Variants in GALNT13 observed in about 807,000 individuals in gnomAD.
The protein encoded by GALNT13 is polypeptide N-acetylgalactosaminyltransferase 13.
A neutral mutation model predicts 64.2 loss-of-function variants in GALNT13; 28 were observed. The ratio of observed to expected loss-of-function variants is 0.44; its 90% CI spans 0.32 to 0.60. The LOEUF (loss-of-function observed/expected upper bound fraction) is 0.60, where lower values mean the gene tolerates loss of function less well. GALNT13 is among the 20% of genes least tolerant of loss of function. The pLI is 0.05. For synonymous variants in GALNT13, 214 were observed against 224.6 expected (o/e 0.95, Z 0.42); for missense variants, 577 against 669.8 (o/e 0.86, Z 1.53).
the GALNT13 span, among the ~76,000 whole-genome samples, chr2:153,402,440 C>A: frequency 6.6e-5 from 10 of 151,294 alleles, no homozygotes; most frequent in South Asian, 1.9e-3. Flanking sequence ...ATCTTTGTGG[C>A]GTTCTCTGTA....
At chr2:153,786,744 T>G in the GALNT13 span, among the ~76,000 whole-genome samples, 9 of 151,278 alleles carry the variant, frequency 5.9e-5, no homozygotes, top group South Asian at 2.1e-4. Flanking sequence ...GAACCCCCAG[T>G]GGCAATTGAA....
At chr2:153,593,192 A>G in the GALNT13 span, 1 of 152,320 alleles carries the variant, frequency 6.6e-6, no homozygotes, top group Non-Finnish European at 1.5e-5. Context: ...TCTCAAGCCC[A>G]TCTCGCTCAC....
chr2:153,826,523 T>G, the GALNT13 span, among the ~76,000 whole-genome samples: 2 of 152,328 alleles, frequency 1.3e-5, no homozygotes, highest in South Asian at 4.1e-4. Flanking sequence ...TTACTTCCCC[T>G]ACAAGTGTTC....
intron 3 of GALNT13, among the ~76,000 whole-genome samples, chr2:154,041,988 T>G (rs915127194): frequency 1.4e-5 from 2 of 140,670 alleles, no homozygotes; most frequent in African/African-American, 4.9e-5. Flanking sequence ...CTAAAATTAA[T>G]TTAGGTGTTT....
the GALNT13 span, among the ~76,000 whole-genome samples, chr2:153,258,917 A>T: frequency 6.6e-6 from 1 of 152,200 alleles, no homozygotes; most frequent in Non-Finnish European, 1.5e-5. Flanking sequence ...AAGAATGTTT[A>T]TTCTATAGCC....
chr2:153,690,483 A>C, the GALNT13 span, among the ~76,000 whole-genome samples: 1 of 152,138 alleles, frequency 6.6e-6, no homozygotes, highest in African/African-American at 2.4e-5. Context: ...TAAAGCTTGA[A>C]GTAATTTGCT....
intron 3 of GALNT13, among the ~76,000 whole-genome samples, chr2:154,129,096 T>A (rs1682464046): frequency 6.6e-6 from 1 of 152,176 alleles, no homozygotes; most frequent in South Asian, 2.1e-4. Flanking sequence ...CAATATATTC[T>A]GATTAATATA....
At chr2:154,276,410 G>T (rs777639492) in intron 8 of GALNT13, among the ~76,000 whole-genome samples, 4 of 151,914 alleles carry the variant, frequency 2.6e-5, no homozygotes, top group Non-Finnish European at 4.4e-5. Flanking sequence ...AGTAGAAACG[G>T]AAAATGCAAC....
chr2:153,742,591 T>G, the GALNT13 span, among the ~76,000 whole-genome samples: 2 of 152,062 alleles, frequency 1.3e-5, no homozygotes, highest in Non-Finnish European at 2.9e-5. Context: ...TGCTTCCCCT[T>G]TTTCAGTTCC....
chr2:153,994,378 CG>C (rs1558895561), intron 3 of GALNT13, among the ~76,000 whole-genome samples: 1 of 152,182 alleles, frequency 6.6e-6, no homozygotes. Flanking sequence ...AATAAACATA[CG>C]TGTGCACATC....
At chr2:153,924,004 T>C (rs1689938157) in intron 2 of GALNT13, among the ~76,000 whole-genome samples, 1 of 152,166 alleles carries the variant, frequency 6.6e-6, no homozygotes, top group Non-Finnish European at 1.5e-5. Flanking sequence ...TAAACATACA[T>C]GTGCATGTGT....
At chr2:153,137,722 C>CAAA in the GALNT13 span, among the ~76,000 whole-genome samples, 1 of 105,578 alleles carries the variant, frequency 9.5e-6, no homozygotes, top group Non-Finnish European at 2.1e-5. Context: ...GATGGAGCCT[C>CAAA]AAAAAAAAAA....
At chr2:153,395,148 C>A in the GALNT13 span, among the ~76,000 whole-genome samples, 5 of 152,130 alleles carry the variant, frequency 3.3e-5, no homozygotes, top group African/African-American at 1.2e-4. Flanking sequence ...AGATCATATA[C>A]AATTGAAGGT....
chr2:153,427,495 G>A, the GALNT13 span, among the ~76,000 whole-genome samples: 4 of 151,990 alleles, frequency 2.6e-5, no homozygotes, highest in Admixed American at 1.3e-4. Flanking sequence ...TAGCTAAGAA[G>A]ACAAGGTCAA....
At chr2:153,844,221 T>G in the GALNT13 span, among the ~76,000 whole-genome samples, 1 of 152,166 alleles carries the variant, frequency 6.6e-6, no homozygotes, top group East Asian at 1.9e-4. Context: ...ACCCAGACCT[T>G]TTCATACATC....
the GALNT13 span, among the ~76,000 whole-genome samples, chr2:153,184,349 T>G: frequency 6.6e-6 from 1 of 152,236 alleles, no homozygotes; most frequent in African/African-American, 2.4e-5. Flanking sequence ...TAAATTTGCT[T>G]ATCAACTTAA....
intron 3 of GALNT13, among the ~76,000 whole-genome samples, chr2:154,019,083 C>T (rs10167094): frequency 0.2 from 31,121 of 151,990 alleles, 4,109 homozygotes; most frequent in Middle Eastern, 0.33. Context: ...AGCTTCATGC[C>T]TCTTTTTATT....
chr2:154,258,518 G>A (rs1031343071), intron 7 of GALNT13, among the ~76,000 whole-genome samples: 2 of 151,750 alleles, frequency 1.3e-5, no homozygotes, highest in Admixed American at 6.6e-5. Context: ...TGTAACTATC[G>A]CTAGATACTT....
upstream of GALNT13, among the ~76,000 whole-genome samples, chr2:153,868,516 A>G (rs964681485): frequency 6.6e-6 from 1 of 152,180 alleles, no homozygotes; most frequent in African/African-American, 2.4e-5. Context: ...TCCAATCTTA[A>G]TCTCTTAAAG....
Sources: allele counts gnomAD v4.1 joint callset (sites outside exome capture counted in the v4.1 genomes callset), GRCh38; gene constraint gnomAD v4.1.1; transcripts MANE v1.5; gene names NCBI Gene and HGNC (gene_info 2026-07-23, HGNC 2026-07-21).